The following R3HDM1 variants were observed in gnomAD, a reference collection of about 807,000 sequenced individuals.
R3HDM1 encodes the protein R3H domain containing 1, also known as R3H domain-containing protein 1.
A neutral mutation model predicts 141.1 loss-of-function variants in R3HDM1; 46 were observed. That is an observed-to-expected ratio of 0.33 (90% CI 0.26 to 0.42). R3HDM1 has a LOEUF of 0.42. Ranked by LOEUF, R3HDM1 falls within the 10% of genes least tolerant of loss-of-function variation. R3HDM1 has a pLI of 1.00. For missense variants in R3HDM1, 1,184 were observed against 1,368.3 expected, an observed-to-expected ratio of 0.87 and a Z score of 2.12; for synonymous variants, 435 against 472.9, an observed-to-expected ratio of 0.92 and a Z score of 1.04.
At chr2:135,581,436 T>C (rs1412752941) in intron 1 of R3HDM1, 1 of 964,086 alleles carries the variant, frequency 1.0e-6, no homozygotes, top group African/African-American at 1.8e-5. Context: ...GAACTTTGGA[T>C]ACCTCATTTC....
intron 18 of R3HDM1, among the ~76,000 whole-genome samples, chr2:135,655,078 T>A (rs2065659857): frequency 6.6e-6 from 1 of 152,206 alleles, no homozygotes; most frequent in Non-Finnish European, 1.5e-5. Flanking sequence ...ACTTTATCCA[T>A]TTTTTCTTTT....
chr2:135,667,654 A>T (rs1054535921), intron 19 of R3HDM1: 1 of 976,732 alleles, frequency 1.0e-6, no homozygotes. Context: ...TGGAGTCGGG[A>T]TACTGGAAAT....
At chr2:135,665,647 A>G (rs1237874111) in intron 19 of R3HDM1, among the ~76,000 whole-genome samples, 1 of 152,204 alleles carries the variant, frequency 6.6e-6, no homozygotes. Flanking sequence ...AATATAATTT[A>G]CCTGTTAAAA....
intron 21 of R3HDM1, among the ~76,000 whole-genome samples, chr2:135,691,412 A>G (rs1211462506): frequency 6.6e-6 from 1 of 152,102 alleles, no homozygotes; most frequent in Non-Finnish European, 1.5e-5. Flanking sequence ...TCAGGAGTTC[A>G]AGACCAGCCT....
intron 3 of R3HDM1, chr2:135,605,955 A>G (rs966942242): frequency 2.0e-5 from 3 of 152,198 alleles, no homozygotes; most frequent in African/African-American, 7.2e-5. Context: ...TAATGCTAGG[A>G]TTACAGGCGC....
intron 24 of R3HDM1, among the ~76,000 whole-genome samples, chr2:135,717,090 C>G (rs1190965957): frequency 6.6e-6 from 1 of 152,178 alleles, no homozygotes; most frequent in Non-Finnish European, 1.5e-5. Context: ...AGATATTTAA[C>G]ATCAGTCATT....
intron 11 of R3HDM1, among the ~76,000 whole-genome samples, chr2:135,636,659 A>G (rs529718050): frequency 6.6e-6 from 1 of 152,288 alleles, no homozygotes; most frequent in East Asian, 1.9e-4. Context: ...TATATAAGAT[A>G]GGCTTTCTAA....
At chr2:135,668,131 G>T (rs2067805832) in intron 19 of R3HDM1, among the ~76,000 whole-genome samples, 1 of 152,144 alleles carries the variant, frequency 6.6e-6, no homozygotes, top group African/African-American at 2.4e-5. Context: ...TGGATTAGGA[G>T]AATGATGTGG....
chr2:135,591,992 A>G lies in R3HDM1; in HGVS notation c.-249-10508A>G, dbSNP rs76115935. Among the ~76,000 whole-genome samples, 920 of 152,290 alleles carry G rather than the reference A, an allele frequency of 6.0e-3. 5 individuals are homozygous for G. Among genetic ancestry groups the G allele is most frequent in the Middle Eastern group, 0.034 (10 of 294 alleles). ...GGCTCACCCAAGCTTCAGTGTTCAG[A>G]GTTTTTATTGGGATCTCATTACATT... On this transcript the variant is annotated intron_variant, in intron 1 of 26. Transcript: ENST00000683871.
intron 1 of R3HDM1, among the ~76,000 whole-genome samples, chr2:135,547,984 G>A (rs1202659013): frequency 6.6e-6 from 1 of 151,994 alleles, no homozygotes; most frequent in Non-Finnish European, 1.5e-5. Flanking sequence ...ATGTTGGACA[G>A]GATGGTCTCG....
At chr2:135,545,106 ACT>A (rs1462361906) in intron 1 of R3HDM1, among the ~76,000 whole-genome samples, 4 of 152,168 alleles carry the variant, frequency 2.6e-5, no homozygotes, top group African/African-American at 7.2e-5. Flanking sequence ...TGTGGTTAAA[ACT>A]CTGTATTATT....
In R3HDM1 at chr2:135,622,700, AT is replaced by A; in HGVS notation, c.470del (p.Leu157Ter). The A allele has an allele frequency of 6.3e-7, 1 of 1,598,990 alleles. No individual in the cohort carries two copies. On this transcript the variant is annotated frameshift_variant, in exon 7 of 27. Coordinates refer to ENST00000683871, the MANE Select transcript of R3HDM1 (RefSeq NM_001378107.1). LOFTEE classifies it high-confidence loss of function. ...ATTCAACTGGCATAGATCTACATGA[AT>A]TTTTAGTAAATACATTAAAAAACAA... is the stretch of plus-strand genomic sequence containing the variant. Reference protein sequence around the residue: ...TDSTGIDLHEFLVNTLKNNPR... With the variant: ...TDSTGIDLHEXLVNTLKNNPR...
At chr2:135,577,824 A>G (rs1705825191) in intron 1 of R3HDM1, among the ~76,000 whole-genome samples, 4 of 147,534 alleles carry the variant, frequency 2.7e-5, no homozygotes, top group Middle Eastern at 3.4e-3. Context: ...GGCAACAAGA[A>G]TGAAACTTCA....
At chr2:135,586,392 C>G (rs949169089) in intron 1 of R3HDM1, 1 of 152,772 alleles carries the variant, frequency 6.5e-6, no homozygotes, top group Non-Finnish European at 1.5e-5. Context: ...GACTAATCAG[C>G]TGGATGTGTG....
intron 1 of R3HDM1, among the ~76,000 whole-genome samples, chr2:135,574,104 A>G (rs1042362135): frequency 5.9e-5 from 9 of 152,178 alleles, no homozygotes; most frequent in African/African-American, 2.2e-4. Flanking sequence ...TAAAATAGAC[A>G]AACGGTTAGC....
chr2:135,685,256 T>G (rs1325144351), intron 21 of R3HDM1, among the ~76,000 whole-genome samples: 1 of 152,090 alleles, frequency 6.6e-6, no homozygotes. Context: ...CACACACACA[T>G]GCTAGTTAAC....
At chr2:135,659,049 C>CTGTGTGTG (rs548436817) in intron 18 of R3HDM1, among the ~76,000 whole-genome samples, 5,479 of 126,384 alleles carry the variant, frequency 0.043, 225 homozygotes, top group African/African-American at 0.092. Context: ...CTACCTGAGT[C>CTGTGTGTG]TGTGTGTGTG....
Position 135,602,520 on chromosome 2 carries a change from A to G in R3HDM1, c.-229A>G, listed in dbSNP as rs2059706954. 7.5e-7 allele frequency: 1 copy of G among 1,327,360 alleles called. No homozygotes were observed. Among genetic ancestry groups the G allele is most frequent in the Non-Finnish European group, 9.7e-7 (1 of 1,032,342 alleles). The allele number at this position is 1,327,360 out of a possible 1,614,324, so 82.2% of individuals were successfully genotyped here. On this transcript the variant is annotated 5_prime_UTR_variant, in exon 2 of 27. It adds an upstream start codon to the 5' untranslated region. Coordinates refer to ENST00000683871, the MANE Select transcript of R3HDM1 (RefSeq NM_001378107.1). Reference sequence around the variant, plus strand: ...TTTAGGCCACGGAAAGGTATGATATATTTGATCCAAGACAGTCCATTCCAG... The same window carrying G: ...TTTAGGCCACGGAAAGGTATGATATGTTTGATCCAAGACAGTCCATTCCAG...
At position 135,616,178 on chromosome 2, in the gene R3HDM1, AG is replaced by A; in HGVS notation, c.200del (p.Gly67GlufsTer10). On this transcript the variant is annotated frameshift_variant, in exon 4 of 27. Transcript: ENST00000683871. LOFTEE classifies it high-confidence loss of function. ...QRPLQSFGQT[G>X]KRSKSSSKLK... ...GGCCATTGCAGTCATTTGGACAGACAGGAAAAAGGTCTAAGGTATAGTAAAT... is the reference window on the plus strand; with the variant it reads ...GGCCATTGCAGTCATTTGGACAGACAGAAAAAGGTCTAAGGTATAGTAAAT... The A allele has an allele frequency of 1.2e-6, 2 of 1,613,094 alleles. No individual in the cohort carries two copies. Among genetic ancestry groups the A allele is most frequent in the Non-Finnish European group, 1.7e-6 (2 of 1,179,082 alleles).
Sources: allele counts gnomAD v4.1 joint callset (sites outside exome capture counted in the v4.1 genomes callset), GRCh38; gene constraint gnomAD v4.1.1; transcripts MANE v1.5; gene names NCBI Gene and HGNC (gene_info 2026-07-23, HGNC 2026-07-21).